The following ABCA13 variants were observed in gnomAD, a reference collection of about 807,000 sequenced individuals.
ABCA13 encodes the protein ATP-binding cassette sub-family A member 13.
In ABCA13, 476 loss-of-function variants were observed where a neutral mutation model predicts 478.7. The observed-to-expected ratio is 0.99, with a 90% CI of 0.92 to 1.07. ABCA13 has a LOEUF of 1.07. Among genes scored for constraint, ABCA13 ranks in the 50% least tolerant of loss-of-function variants. ABCA13 has a pLI of 0.00. For synonymous variants in ABCA13, 2,252 were observed against 2,158.9 expected (o/e 1.04, Z -1.20); for missense variants, 6,060 against 5,910.6 (o/e 1.03, Z -0.83).
chr7:48,240,802 A>G, intron 9 of ABCA13, 65 bp from the exon 10 acceptor site: 5 of 1,328,328 alleles, frequency 3.8e-6, no homozygotes, highest in Non-Finnish European at 4.9e-6. Context: ...AATATTTCTT[A>G]ACTAAATACT....
chr7:48,458,870 C>T (rs1341517160), intron 43 of ABCA13, among the ~76,000 whole-genome samples: 1 of 152,116 alleles, frequency 6.6e-6, no homozygotes, highest in Admixed American at 6.6e-5. Context: ...GCATGACATC[C>T]ACAGGGCTGT....
chr7:48,366,775 C>G (rs545216052), intron 31 of ABCA13, among the ~76,000 whole-genome samples: 34 of 152,190 alleles, frequency 2.2e-4, no homozygotes, highest in Non-Finnish European at 4.3e-4. Flanking sequence ...ACCCCATAAC[C>G]CAAACACCTC....
At position 48,279,067 on chromosome 7, in the gene ABCA13, A is replaced by T; in HGVS notation, c.7873A>T (p.Met2625Leu). Residue 2625 changes from methionine (M) to leucine (L), a missense_variant, in exon 18 of 62, where the codon ATG becomes TTG. Physicochemically the swap from Met to Leu is conservative, Grantham distance 15. Transcript: ENST00000435803. ...TATGTCACCTAGCATACTCTCATAT[A>T]TGAACCAATCTAAGGACTTTTCTGA... Reference protein sequence around the residue: ...FSMSPSILSYMNQSKDFSDIL... With the variant: ...FSMSPSILSYLNQSKDFSDIL... 1 of 1,612,996 alleles carries T rather than the reference A, an allele frequency of 6.2e-7. No individual in the cohort carries two copies. The highest frequency in any genetic ancestry group is 1.3e-5 in the African/African-American group (1 of 75,050).
At chr7:48,501,119 C>G (rs980226873) in intron 48 of ABCA13, among the ~76,000 whole-genome samples, 1 of 152,100 alleles carries the variant, frequency 6.6e-6, no homozygotes, top group African/African-American at 2.4e-5. Flanking sequence ...CTTGGCCTGA[C>G]AGGGGCAGGC....
Position 48,596,059 on chromosome 7 carries a change from G to A in ABCA13, c.14744+1246G>A, listed in dbSNP as rs1044565943. Among the ~76,000 whole-genome samples, 12 of 152,278 alleles carry A rather than the reference G, an allele frequency of 7.9e-5. No individual in the cohort carries two copies. In the East Asian group the frequency reaches 9.6e-4, roughly 12 times the overall value. ...GATTACTGCAGCATTATTAGTTTAC[G>A]TAAAAATACTATTAAATGCTATAAC... On this transcript the variant is annotated intron_variant, in intron 58 of 61. Coordinates refer to ENST00000435803, the MANE Select transcript of ABCA13 (RefSeq NM_152701.5).
intron 29 of ABCA13, among the ~76,000 whole-genome samples, chr7:48,346,142 T>C (rs1408178375): frequency 6.6e-6 from 1 of 152,188 alleles, no homozygotes; most frequent in Non-Finnish European, 1.5e-5. Flanking sequence ...ACGATGAAAT[T>C]GCCTAATGCT....
intron 35 of ABCA13, among the ~76,000 whole-genome samples, chr7:48,378,354 T>G (rs1585076676): frequency 6.6e-6 from 1 of 152,160 alleles, no homozygotes; most frequent in African/African-American, 2.4e-5. Context: ...TTTCTAAAGT[T>G]CAATGAGGTC....
At chr7:48,225,021 G>A (rs193207107) in intron 5 of ABCA13, among the ~76,000 whole-genome samples, 1 of 151,626 alleles carries the variant, frequency 6.6e-6, no homozygotes, top group Non-Finnish European at 1.5e-5. Flanking sequence ...ATGCTCTGTC[G>A]TTGAGCTTCA....
chr7:48,480,819 AT>A (rs1162580765), intron 45 of ABCA13, among the ~76,000 whole-genome samples: 2 of 152,210 alleles, frequency 1.3e-5, no homozygotes, highest in African/African-American at 4.8e-5. Flanking sequence ...AAGTTCTCAG[AT>A]ATAATTGACT....
intron 7 of ABCA13, 74 bp from the exon 8 acceptor site, chr7:48,233,944 T>C: frequency 6.5e-7 from 1 of 1,543,304 alleles, no homozygotes; most frequent in Non-Finnish European, 8.8e-7. Flanking sequence ...AAAAGGTATT[T>C]TTTTTCTGGA....
chr7:48,245,463 C>A, intron 11 of ABCA13, 49 bp from the exon 12 acceptor site: 2 of 1,467,522 alleles, frequency 1.4e-6, no homozygotes, highest in Non-Finnish European at 1.9e-6. Context: ...GTATAAAAGT[C>A]AAGCTTACTT....
chr7:48,518,480 A>G (rs988132157), intron 52 of ABCA13, among the ~76,000 whole-genome samples: 7 of 152,204 alleles, frequency 4.6e-5, no homozygotes, highest in African/African-American at 1.7e-4. Context: ...TGGCAAGTGG[A>G]AAGCCTTGTT....
intron 52 of ABCA13, 71 bp downstream of exon 52, chr7:48,516,952 C>G: frequency 6.8e-7 from 1 of 1,479,326 alleles, no homozygotes; most frequent in Non-Finnish European, 9.1e-7. Flanking sequence ...ACTCATGCCT[C>G]TTTTGTTGCT....
chr7:48,477,728 C>T (rs866258075), intron 45 of ABCA13, among the ~76,000 whole-genome samples: 1,520 of 104,020 alleles, frequency 0.015, 31 homozygotes, highest in African/African-American at 0.056. Context: ...CATCACACTC[C>T]GGGGACTGTT....
intron 27 of ABCA13, among the ~76,000 whole-genome samples, chr7:48,319,568 G>T (rs998795490): frequency 6.6e-6 from 1 of 152,138 alleles, no homozygotes; most frequent in Non-Finnish European, 1.5e-5. Flanking sequence ...TTAAGACGTG[G>T]TCTTTTTCTC....
At chr7:48,570,239 A>G (rs1478754233) in intron 55 of ABCA13, among the ~76,000 whole-genome samples, 1 of 150,590 alleles carries the variant, frequency 6.6e-6, no homozygotes, top group Non-Finnish European at 1.5e-5. Context: ...ATTTTCTTCA[A>G]GTCTATTTTG....
At chr7:48,198,161 A>G (rs962799522) in intron 2 of ABCA13, 76 bp from the exon 3 acceptor site, 1 of 1,404,636 alleles carries the variant, frequency 7.1e-7, no homozygotes, top group African/African-American at 1.4e-5. Flanking sequence ...GTTATATATT[A>G]CAATTTCAAC....
At chr7:48,303,764 AT>A (rs1409638266) in intron 23 of ABCA13, among the ~76,000 whole-genome samples, 1 of 152,136 alleles carries the variant, frequency 6.6e-6, no homozygotes, top group Non-Finnish European at 1.5e-5. Context: ...GTTTTTTGAT[AT>A]CAAATTCTGA....
At chr7:48,324,264 T>C (rs929028112) in intron 27 of ABCA13, among the ~76,000 whole-genome samples, 1 of 152,214 alleles carries the variant, frequency 6.6e-6, no homozygotes, top group Non-Finnish European at 1.5e-5. Flanking sequence ...TCTCTTTGTG[T>C]CCTCACATAG....
Sources: gnomAD v4.1 joint callset for allele counts (sites outside exome capture counted in the v4.1 genomes callset) on GRCh38, gnomAD v4.1.1 for gene constraint, MANE v1.5 for transcripts, NCBI Gene and HGNC (gene_info 2026-07-23, HGNC 2026-07-21) for gene names.